The following SPOCK3 variants were observed in gnomAD, a reference collection of about 807,000 sequenced individuals.
SPOCK3 encodes the protein SPARC (osteonectin), cwcv and kazal like domains proteoglycan 3, also known as testican-3.
A neutral mutation model predicts 56.6 loss-of-function variants in SPOCK3; 30 were observed. The observed-to-expected ratio is 0.53, with a 90% CI of 0.40 to 0.72. SPOCK3 has a LOEUF of 0.72. Ranked by LOEUF, SPOCK3 falls within the 30% of genes least tolerant of loss-of-function variation. The probability of loss-of-function intolerance (pLI) is 0.00; values close to 1 mark genes in which losing one functional copy is unlikely to be tolerated. For synonymous variants in SPOCK3, 196 were observed against 183.3 expected, an observed-to-expected ratio of 1.07 and a Z score of -0.56; for missense variants, 527 against 530.0, an observed-to-expected ratio of 0.99 and a Z score of 0.06.
chr4:166,849,896 T>C (rs1445414037), intron 6 of SPOCK3, among the ~76,000 whole-genome samples: 1 of 152,190 alleles, frequency 6.6e-6, no homozygotes, highest in Non-Finnish European at 1.5e-5. Flanking sequence ...ATCCATATTG[T>C]AGCATGTGCC....
chr4:167,091,014 A>T (rs536870184), intron 2 of SPOCK3, among the ~76,000 whole-genome samples: 3 of 152,314 alleles, frequency 2.0e-5, no homozygotes, highest in Non-Finnish European at 4.4e-5. Flanking sequence ...ATTATAATCA[A>T]ATAAAAATAT....
At chr4:166,877,468 A>C (rs1369143975) in intron 6 of SPOCK3, among the ~76,000 whole-genome samples, 1 of 152,212 alleles carries the variant, frequency 6.6e-6, no homozygotes, top group African/African-American at 2.4e-5. Flanking sequence ...AGAAAACATA[A>C]GCTAAATACA....
chr4:166,745,461 C>A (rs1166508415), intron 8 of SPOCK3, among the ~76,000 whole-genome samples: 1 of 152,148 alleles, frequency 6.6e-6, no homozygotes, highest in East Asian at 1.9e-4. Flanking sequence ...CACCACCAGG[C>A]CTGCCTTATA....
intron 6 of SPOCK3, among the ~76,000 whole-genome samples, chr4:166,836,554 C>G (rs72984102): frequency 3.9e-4 from 60 of 152,190 alleles, no homozygotes; most frequent in African/African-American, 1.4e-3. Context: ...ATTTTTTGCC[C>G]TGTGAATTTA....
intron 4 of SPOCK3, among the ~76,000 whole-genome samples, chr4:166,993,374 T>C (rs983673273): frequency 1.3e-5 from 2 of 152,190 alleles, no homozygotes; most frequent in Non-Finnish European, 2.9e-5. Flanking sequence ...TCGTCTTCTC[T>C]GGTCATGGGG....
chr4:167,008,316 C>A (rs990010166), intron 3 of SPOCK3, among the ~76,000 whole-genome samples: 2 of 151,678 alleles, frequency 1.3e-5, no homozygotes, highest in Non-Finnish European at 2.9e-5. Flanking sequence ...ATACTTAATT[C>A]TTATTTTCAA....
In SPOCK3 at chr4:166,812,907, G is replaced by A. The variant is rs72697522; in HGVS notation, c.590-20618C>T. Reference sequence around the variant, plus strand: ...TGCTATCATCAAAGGTATGGCTTTTGGGGGGTTGGTGGGAGTTTACTCTAA... The same window carrying A: ...TGCTATCATCAAAGGTATGGCTTTTAGGGGGTTGGTGGGAGTTTACTCTAA... On this transcript the variant is annotated intron_variant, in intron 6 of 10. Coordinates refer to ENST00000357545, the MANE Select transcript of SPOCK3 (RefSeq NM_001040159.2). Among the ~76,000 whole-genome samples, 545 of 152,034 alleles carry A rather than the reference G, an allele frequency of 3.6e-3. 2 individuals are homozygous for A. The highest frequency in any genetic ancestry group is 6.1e-3 in the Non-Finnish European group (411 of 67,896).
chr4:167,218,770 C>T (rs920564935), intron 2 of SPOCK3, among the ~76,000 whole-genome samples: 1 of 151,964 alleles, frequency 6.6e-6, no homozygotes, highest in East Asian at 1.9e-4. Flanking sequence ...GACAAAAAAA[C>T]TTTAAATTCT....
chr4:167,230,750 C>T (rs1275412075), intron 2 of SPOCK3, among the ~76,000 whole-genome samples: 1 of 151,908 alleles, frequency 6.6e-6, no homozygotes, highest in Non-Finnish European at 1.5e-5. Flanking sequence ...TACTAATAAC[C>T]AAATAAATTA....
intron 8 of SPOCK3, among the ~76,000 whole-genome samples, chr4:166,743,815 C>T (rs140922083): frequency 0.011 from 1,669 of 152,306 alleles, 13 homozygotes; most frequent in Non-Finnish European, 0.018. Context: ...TATCCTGCGC[C>T]TGGTTTGGTG....
chr4:166,868,721 A>G (rs1424180617), intron 6 of SPOCK3, among the ~76,000 whole-genome samples: 1 of 152,132 alleles, frequency 6.6e-6, no homozygotes, highest in Non-Finnish European at 1.5e-5. Context: ...AAGTCAAACT[A>G]TATCAATATA....
At chr4:166,756,055 C>A (rs1354227589) in intron 7 of SPOCK3, among the ~76,000 whole-genome samples, 1 of 34,018 alleles carries the variant, frequency 2.9e-5, no homozygotes, top group East Asian at 4.5e-4. Context: ...CGAAGCAGGG[C>A]GAGGCATTGC....
chr4:167,193,212 C>T (rs1358004231), intron 2 of SPOCK3, among the ~76,000 whole-genome samples: 2 of 145,790 alleles, frequency 1.4e-5, no homozygotes, highest in African/African-American at 5.2e-5. Context: ...TTCTCTCTTG[C>T]TGTCTCTTAT....
At chr4:167,152,455 G>C (rs1054582359) in intron 2 of SPOCK3, among the ~76,000 whole-genome samples, 6 of 151,998 alleles carry the variant, frequency 3.9e-5, no homozygotes, top group Admixed American at 6.5e-5. Context: ...ACTCAGGGTA[G>C]AGAATATAAC....
At chr4:166,782,734 C>A (rs1225532041) in intron 7 of SPOCK3, among the ~76,000 whole-genome samples, 2 of 152,036 alleles carry the variant, frequency 1.3e-5, no homozygotes, top group East Asian at 1.9e-4. Context: ...ATTTTTAATT[C>A]AATAAGGGTA....
At chr4:167,205,385 A>ATTATG (rs1409588408) in intron 2 of SPOCK3, among the ~76,000 whole-genome samples, 1 of 41,322 alleles carries the variant, frequency 2.4e-5, no homozygotes, top group African/African-American at 1.3e-4. Flanking sequence ...TATATAATAT[A>ATTATG]TATATTTTAT....
intron 3 of SPOCK3, among the ~76,000 whole-genome samples, chr4:167,049,645 A>G (rs998056341): frequency 5.3e-5 from 8 of 152,208 alleles, no homozygotes; most frequent in Admixed American, 6.5e-5. Context: ...ATTAAGTGAT[A>G]TATTATCAGA....
Position 167,100,092 on chromosome 4 carries a change from A to T in SPOCK3, c.190-37555T>A, listed in dbSNP as rs1412712970. The stretch of plus-strand genomic sequence containing the variant: ...TCACTAAGACATGTCTATCCTTTTT[A>T]AAAGTAATGAATACCAAACTCTCAC... On this transcript the variant is annotated intron_variant, in intron 2 of 10. Coordinates refer to ENST00000357545, the MANE Select transcript of SPOCK3 (RefSeq NM_001040159.2). 3.3e-5 allele frequency among the ~76,000 whole-genome samples: 5 copies of T among 152,132 alleles called. No individual in the cohort carries two copies. In the East Asian group the frequency reaches 9.6e-4, roughly 29 times the overall value.
At chr4:167,233,311 C>T (rs1192841539) in intron 2 of SPOCK3, among the ~76,000 whole-genome samples, 4 of 152,162 alleles carry the variant, frequency 2.6e-5, no homozygotes, top group Non-Finnish European at 2.9e-5. Context: ...ACTCTTTTAT[C>T]GCTGTCACCT....
Sources: gnomAD v4.1 joint callset for allele counts (sites outside exome capture counted in the v4.1 genomes callset) on GRCh38, gnomAD v4.1.1 for gene constraint, MANE v1.5 for transcripts, NCBI Gene and HGNC (gene_info 2026-07-23, HGNC 2026-07-21) for gene names.